The following GTSE1 variants were observed in gnomAD, a reference collection of about 807,000 sequenced individuals.
GTSE1 encodes the protein G2 and S-phase expressed 1.
A neutral mutation model predicts 60.5 loss-of-function variants in GTSE1; 52 were observed. That is an observed-to-expected ratio of 0.86 (90% confidence interval 0.69 to 1.08). The LOEUF (loss-of-function observed/expected upper bound fraction) is 1.08, where lower values mean the gene tolerates loss of function less well. Among genes scored for constraint, GTSE1 ranks in the 50% least tolerant of loss-of-function variants. The probability of loss-of-function intolerance (pLI) is 0.00; values close to 1 mark genes in which losing one functional copy is unlikely to be tolerated. For missense variants in GTSE1, 937 were observed against 961.8 expected (o/e 0.97, Z 0.34); for synonymous variants, 368 against 386.5 (o/e 0.95, Z 0.56).
At position 46,322,643 on chromosome 22, in the gene GTSE1, T is replaced by C. The variant is rs144497626; in HGVS notation, c.1433-547T>C. Among the ~76,000 whole-genome samples the C allele has an allele frequency of 1.0e-3, 153 of 152,268 alleles. No individual in the cohort carries two copies. In the Middle Eastern group the frequency reaches 0.017, roughly 17 times the overall value. On this transcript the variant is annotated intron_variant, in intron 7 of 11. Transcript: ENST00000454366. ...TGCCCTCTGAGCCTGCTTTTCATCCTGTTGTGAATATCAGATGAGATCATA... is the reference window on the plus strand; with the variant it reads ...TGCCCTCTGAGCCTGCTTTTCATCCCGTTGTGAATATCAGATGAGATCATA...
rs531293386 is a variant in GTSE1 at position 46,318,761 on chromosome 22, T to C, written c.1432+2349T>C. On this transcript the variant is annotated intron_variant, in intron 7 of 11. Coordinates refer to ENST00000454366, the MANE Select transcript of GTSE1 (RefSeq NM_016426.7). The surrounding 1 kb of genome is among the most constrained non-coding windows in gnomAD (Gnocchi z 4.8). Reference sequence around the variant, plus strand: ...CAGCATGGGGGCCGGAGGGTGGGAGTGCAGCCGCTGCGGTCGGGATTCTGC... The same window carrying C: ...CAGCATGGGGGCCGGAGGGTGGGAGCGCAGCCGCTGCGGTCGGGATTCTGC... 2.6e-4 allele frequency among the ~76,000 whole-genome samples: 39 copies of C among 151,884 alleles called. No homozygotes were observed. The highest frequency in any genetic ancestry group is 8.9e-4 in the African/African-American group (37 of 41,392).
Position 46,313,967 on chromosome 22 carries a change from T to C in GTSE1, c.1005T>C (p.Val335=), listed in dbSNP as rs766527668. The change falls in exon 6 of 12, where the codon GTT becomes GTC. Residue 335 remains valine (V), a synonymous_variant. Transcript: ENST00000454366. This position sits in a 1 kb window ranked among gnomAD's most constrained non-coding sequence, Gnocchi z 4.4. The part of the protein sequence containing the change: ...NLARKSSSGP[V]WSGASSACTS... Reference sequence around the variant, plus strand: ...CAAGGAAGTCCTCCTCGGGGCCTGTTTGGAGCGGGGCATCCAGTGCGTGCA... The same window carrying C: ...CAAGGAAGTCCTCCTCGGGGCCTGTCTGGAGCGGGGCATCCAGTGCGTGCA... 6.2e-7 allele frequency: 1 copy of C among 1,614,218 alleles called. No individual in the cohort carries two copies. Among genetic ancestry groups the C allele is most frequent in the Non-Finnish European group, 8.5e-7 (1 of 1,180,018 alleles).
chr22:46,326,720 T>C, intron 9 of GTSE1, 66 bp downstream of exon 9: 1 of 1,123,012 alleles, frequency 8.9e-7, no homozygotes, highest in Non-Finnish European at 1.3e-6. Context: ...GACAGTGACA[T>C]ACCTTTTTCT....
At chr22:46,325,886 A>G (rs1193048286) in intron 8 of GTSE1, among the ~76,000 whole-genome samples, 2 of 152,260 alleles carry the variant, frequency 1.3e-5, no homozygotes, top group Admixed American at 6.5e-5. Context: ...AGCCCGAACC[A>G]CAGGTATTGC....
chr22:46,308,517 T>C lies in GTSE1; in HGVS notation c.336T>C (p.Ile112=), dbSNP rs1601904021. 6.2e-7 allele frequency: 1 copy of C among 1,614,124 alleles called. No homozygotes were observed. Among genetic ancestry groups the C allele is most frequent in the East Asian group, 2.2e-5 (1 of 44,886 alleles). Residue 112 remains isoleucine, a synonymous_variant, in exon 4 of 12, where the codon ATT becomes ATC. Coordinates refer to ENST00000454366, the MANE Select transcript of GTSE1 (RefSeq NM_016426.7). The part of the protein sequence containing the change: ...YKEAHLLALH[I]ESSSRNQAAQ... ...AAGCTCACTTACTGGCTTTACACAT[T>C]GAGAGCAGCAGCCGGAACCAGGCAG...
In GTSE1 at chr22:46,320,595, G is replaced by A. The variant is rs2077806887; in HGVS notation, c.1433-2595G>A. On this transcript the variant is annotated intron_variant, in intron 7 of 11. Transcript: ENST00000454366. This position sits in a 1 kb window ranked among gnomAD's most constrained non-coding sequence, Gnocchi z 7.1. ...ACTCACAGCGTGGGACCACATGAAC[G>A]GTGCCCTGTAGTGGAGGCTTTCATA... Among the ~76,000 whole-genome samples, 1 of 152,224 alleles carries A rather than the reference G, an allele frequency of 6.6e-6. No individual in the cohort carries two copies. Among genetic ancestry groups the A allele is most frequent in the South Asian group, 2.1e-4 (1 of 4,830 alleles).
chr22:46,310,648 A>G lies in GTSE1; in HGVS notation c.763-1493A>G, dbSNP rs1053060082. ...ATTTTTGGCAATAAAAAGAAACACT[A>G]CTGGGCGTGGTAGCTCACACCTGTG... On this transcript the variant is annotated intron_variant, in intron 4 of 11. Coordinates refer to ENST00000454366, the MANE Select transcript of GTSE1 (RefSeq NM_016426.7). This position sits in a 1 kb window ranked among gnomAD's most constrained non-coding sequence, Gnocchi z 4.4. Among the ~76,000 whole-genome samples, 3 of 152,234 alleles carry G rather than the reference A, an allele frequency of 2.0e-5. No homozygotes were observed. The highest frequency in any genetic ancestry group is 4.4e-5 in the Non-Finnish European group (3 of 68,036).
rs1230867159 is a variant in GTSE1 at position 46,309,102 on chromosome 22, G to GC, written c.762+160dup. ...CAGGAAAAGCAGTTGCCAATAGGGA[G>GC]CTGATGTGGGGGTGGCTTGGATAAG... On this transcript the variant is annotated intron_variant, in intron 4 of 11. Coordinates refer to ENST00000454366, the MANE Select transcript of GTSE1 (RefSeq NM_016426.7). This position sits in a 1 kb window ranked among gnomAD's most constrained non-coding sequence, Gnocchi z 6.2. Among the ~76,000 whole-genome samples the GC allele has an allele frequency of 1.3e-5, 2 of 152,256 alleles. No individual in the cohort carries two copies. Among genetic ancestry groups the GC allele is most frequent in the African/African-American group, 4.8e-5 (2 of 41,476 alleles).
In GTSE1 at chr22:46,317,198, C is replaced by G. The variant is rs1170565107; in HGVS notation, c.1432+786C>G. ...GCCAGGCTGGTCTGGAACTCCTGAC[C>G]TCAAGTGACCCACCCATCTCGGCCT... On this transcript the variant is annotated intron_variant, in intron 7 of 11. Transcript: ENST00000454366. This position sits in a 1 kb window ranked among gnomAD's most constrained non-coding sequence, Gnocchi z 5.6. 6.6e-6 allele frequency among the ~76,000 whole-genome samples: 1 copy of G among 152,172 alleles called. No individual in the cohort carries two copies. Among genetic ancestry groups the G allele is most frequent in the Non-Finnish European group, 1.5e-5 (1 of 68,040 alleles).
intron 9 of GTSE1, among the ~76,000 whole-genome samples, chr22:46,328,211 G>A (rs532253100): frequency 5.9e-5 from 9 of 152,320 alleles, no homozygotes; most frequent in African/African-American, 2.2e-4. Context: ...GAAAGCTGGT[G>A]TGGGCAGCCT....
rs542765689 is a variant in GTSE1 at position 46,309,875 on chromosome 22, T to C, written c.762+932T>C. Reference sequence around the variant, plus strand: ...TGATGTTTCTAGAATGAGAGTGGGATGGGTCCTGCTGTGTGGAGCACACGT... The same window carrying C: ...TGATGTTTCTAGAATGAGAGTGGGACGGGTCCTGCTGTGTGGAGCACACGT... On this transcript the variant is annotated intron_variant, in intron 4 of 11. Transcript: ENST00000454366. This position sits in a 1 kb window ranked among gnomAD's most constrained non-coding sequence, Gnocchi z 6.2. Among the ~76,000 whole-genome samples, 2 of 152,342 alleles carry C rather than the reference T, an allele frequency of 1.3e-5. No individual in the cohort carries two copies. The highest frequency in any genetic ancestry group is 3.9e-4 in the East Asian group (2 of 5,192).
rs1194712817 is a variant in GTSE1 at position 46,320,407 on chromosome 22, C to T, written c.1433-2783C>T. Among the ~76,000 whole-genome samples, 1 of 152,134 alleles carries T rather than the reference C, an allele frequency of 6.6e-6. No individual in the cohort carries two copies. The highest frequency in any genetic ancestry group is 2.4e-5 in the African/African-American group (1 of 41,446). ...GTCAAAACTGGTCCCACAAACTCAGCACTGGCCGGAAGAGAGGCCCCAGGG... is the reference window on the plus strand; with the variant it reads ...GTCAAAACTGGTCCCACAAACTCAGTACTGGCCGGAAGAGAGGCCCCAGGG... On this transcript the variant is annotated intron_variant, in intron 7 of 11. Coordinates refer to ENST00000454366, the MANE Select transcript of GTSE1 (RefSeq NM_016426.7). This position sits in a 1 kb window ranked among gnomAD's most constrained non-coding sequence, Gnocchi z 7.1.
chr22:46,324,307 G>A lies in GTSE1; in HGVS notation c.1505+1045G>A, dbSNP rs934799293. Among the ~76,000 whole-genome samples the A allele has an allele frequency of 2.6e-5, 4 of 152,176 alleles. No individual in the cohort carries two copies. Among genetic ancestry groups the A allele is most frequent in the African/African-American group, 9.7e-5 (4 of 41,446 alleles). ...CTGGCCACCTCACTTGCCTCTCTGT[G>A]CCTCAGTTTCCTCACCTCACCCAGG... On this transcript the variant is annotated intron_variant, in intron 8 of 11. Coordinates refer to ENST00000454366, the MANE Select transcript of GTSE1 (RefSeq NM_016426.7). The surrounding 1 kb of genome is among the most constrained non-coding windows in gnomAD (Gnocchi z 5.2).
chr22:46,321,087 A>G lies in GTSE1; in HGVS notation c.1433-2103A>G, dbSNP rs931875180. Among the ~76,000 whole-genome samples the G allele has an allele frequency of 2.4e-4, 37 of 151,952 alleles. No homozygotes were observed. Among genetic ancestry groups the G allele is most frequent in the African/African-American group, 8.2e-4 (34 of 41,336 alleles). On this transcript the variant is annotated intron_variant, in intron 7 of 11. Transcript: ENST00000454366. This position sits in a 1 kb window ranked among gnomAD's most constrained non-coding sequence, Gnocchi z 4.0. ...GCCTCCACACCCGCCAGGAGTGACC[A>G]ACTTGGGTCTCACAGAGACCTCTGT...
chr22:46,308,791 G>A lies in GTSE1; in HGVS notation c.610G>A (p.Gly204Arg). ...CCAGGCCCGCCTCACCCGGGCGCCG[G>A]GGCCTCCGCACTCTGCTCATGCTTT... ...GAQARLTRAP[G>R]PPHSAHALPR... The change falls in exon 4 of 12, where the codon GGG (glycine) becomes AGG (arginine). Residue 204 changes from glycine (G) to arginine (R), a missense_variant. Physicochemically the swap from Gly to Arg is moderately radical, Grantham distance 125 (BLOSUM62 -2). Transcript: ENST00000454366. 1 of 1,613,188 alleles carries A rather than the reference G, an allele frequency of 6.2e-7. No individual in the cohort carries two copies. The highest frequency in any genetic ancestry group is 8.5e-7 in the Non-Finnish European group (1 of 1,179,992).
rs1224366531 is a variant in GTSE1, at chr22:46,324,034, G to A, written c.1505+772G>A. Among the ~76,000 whole-genome samples the A allele has an allele frequency of 6.6e-6, 1 of 152,146 alleles. No homozygotes were observed. Among genetic ancestry groups the A allele is most frequent in the Non-Finnish European group, 1.5e-5 (1 of 68,030 alleles). On this transcript the variant is annotated intron_variant, in intron 8 of 11. Transcript: ENST00000454366. This position sits in a 1 kb window ranked among gnomAD's most constrained non-coding sequence, Gnocchi z 5.2. ...CCAGCTCCACCACTTCCTGGTCTTT[G>A]ATCCAGTTTAAGTTCCCGAATGTTG...
intron 2 of GTSE1, among the ~76,000 whole-genome samples, chr22:46,305,094 G>A (rs2077708715): frequency 6.6e-6 from 1 of 152,176 alleles, no homozygotes. Context: ...AAGTAAGTTG[G>A]AAAGTTTTTT....
chr22:46,315,279 G>A (rs145105566), intron 6 of GTSE1, among the ~76,000 whole-genome samples: 2,268 of 152,182 alleles, frequency 0.015, 47 homozygotes, highest in African/African-American at 0.05. Flanking sequence ...GGATGGTCTC[G>A]ATCTCTTGAC....
Position 46,308,174 on chromosome 22 carries a change from A to T in GTSE1, c.104A>T (p.Lys35Ile). ...GACATTCTTCTTTTGGCCGATGAAA[A>T]ATTTGACTTCGATCTTTCATTGTCT... is the stretch of plus-strand genomic sequence containing the variant. ...KEDILLLADEKFDFDLSLSSS... is the reference protein window; with the variant it reads ...KEDILLLADEIFDFDLSLSSS... The change falls in exon 3 of 12, where the codon AAA becomes ATA. Residue 35 changes from lysine (K) to isoleucine (I), a missense_variant. Transcript: ENST00000454366. The T allele has an allele frequency of 6.2e-7, 1 of 1,613,340 alleles. No homozygotes were observed. Among genetic ancestry groups the T allele is most frequent in the Non-Finnish European group, 8.5e-7 (1 of 1,179,340 alleles).
Sources: gnomAD v4.1 joint callset for allele counts (sites outside exome capture counted in the v4.1 genomes callset) on GRCh38, gnomAD v4.1.1 for gene constraint, Gnocchi (gnomAD v3.1) non-coding constraint, MANE v1.5 for transcripts, NCBI Gene and HGNC (gene_info 2026-07-23, HGNC 2026-07-21) for gene names.